Variants in FRMD4A observed in about 807,000 individuals in gnomAD.
FRMD4A encodes FERM domain-containing protein 4A.
FRMD4A carries 29 observed loss-of-function variants against 129.1 expected under a neutral mutation model. That is an observed-to-expected ratio of 0.22 (90% confidence interval 0.17 to 0.31). The LOEUF is 0.31. Ranked by LOEUF, FRMD4A falls within the 10% of genes least tolerant of loss-of-function variation. The pLI is 1.00. For missense variants in FRMD4A, 1,272 were observed against 1,375.8 expected, an observed-to-expected ratio of 0.92 and a Z score of 1.19; for synonymous variants, 634 against 571.6, an observed-to-expected ratio of 1.11 and a Z score of -1.56.
In FRMD4A at chr10:13,660,307, G is replaced by A. The variant is rs374022649; in HGVS notation, c.1898+9C>T. ...GGCCTCATTTGGCCTCATTCACGAT[G>A]CAGCTCACCTGGAATGGCTGTGAGA... On this transcript the variant is annotated intron_variant, in intron 20 of 24. Transcript: ENST00000357447. The A allele has an allele frequency of 1.2e-4, 192 of 1,575,758 alleles. No individual in the cohort carries two copies. The African/African-American group carries it at 2.3e-3, about 19-fold the overall frequency.
chr10:14,226,167 A>T (rs10906630), intron 2 of FRMD4A, among the ~76,000 whole-genome samples: 60,066 of 151,940 alleles, frequency 0.4, 12,514 homozygotes, highest in South Asian at 0.47. Flanking sequence ...CAGGTTTATT[A>T]TGTAGGTGCA....
At chr10:14,206,664 G>A (rs1216543260) in intron 2 of FRMD4A, among the ~76,000 whole-genome samples, 3 of 151,614 alleles carry the variant, frequency 2.0e-5, no homozygotes, top group Non-Finnish European at 2.9e-5. Context: ...AAAATTAGCC[G>A]GGCGTGGTGG....
chr10:13,794,391 C>CAAAAAAAAA (rs5783349), intron 5 of FRMD4A, among the ~76,000 whole-genome samples: 3 of 102,944 alleles, frequency 2.9e-5, no homozygotes, highest in African/African-American at 3.8e-5. Flanking sequence ...GAATCCGTCT[C>CAAAAAAAAA]AAAAAAAAAA....
chr10:14,222,847 T>A (rs1178723308), intron 2 of FRMD4A, among the ~76,000 whole-genome samples: 3 of 152,066 alleles, frequency 2.0e-5, no homozygotes, highest in African/African-American at 7.2e-5. Context: ...TTTAGGAGGT[T>A]CACCTGAAGG....
chr10:14,214,417 C>G (rs1843014715), intron 2 of FRMD4A, among the ~76,000 whole-genome samples: 1 of 152,188 alleles, frequency 6.6e-6, no homozygotes, highest in South Asian at 2.1e-4. Flanking sequence ...CGACCTTAGA[C>G]AAGTAACTCA....
At chr10:13,680,182 C>G (rs1240584853) in intron 15 of FRMD4A, among the ~76,000 whole-genome samples, 1 of 152,176 alleles carries the variant, frequency 6.6e-6, no homozygotes, top group Non-Finnish European at 1.5e-5. Flanking sequence ...AAAAGCTGGT[C>G]ACAGTGGCTC....
intron 5 of FRMD4A, among the ~76,000 whole-genome samples, chr10:13,790,431 CA>C (rs2092972572): frequency 6.6e-6 from 1 of 152,096 alleles, no homozygotes; most frequent in Non-Finnish European, 1.5e-5. Context: ...GGGGTGAAAT[CA>C]CACCAGGGGA....
intron 2 of FRMD4A, among the ~76,000 whole-genome samples, chr10:14,151,581 C>T (rs1840340642): frequency 6.6e-6 from 1 of 152,102 alleles, no homozygotes. Context: ...ACTGGGAGTC[C>T]AATCCCCCCT....
chr10:13,714,978 G>T (rs1471706954), intron 12 of FRMD4A, among the ~76,000 whole-genome samples: 1 of 152,114 alleles, frequency 6.6e-6, no homozygotes, highest in Non-Finnish European at 1.5e-5. Flanking sequence ...GGCAGAGGTT[G>T]CAGTGAGCGG....
intron 2 of FRMD4A, among the ~76,000 whole-genome samples, chr10:13,902,029 G>A (rs1256426971): frequency 6.6e-6 from 1 of 152,084 alleles, no homozygotes; most frequent in Non-Finnish European, 1.5e-5. Flanking sequence ...ATATTTGTTT[G>A]TTTTAGAGAC....
chr10:14,275,621 T>C (rs1255826442), intron 2 of FRMD4A, among the ~76,000 whole-genome samples: 3 of 152,250 alleles, frequency 2.0e-5, no homozygotes, highest in Admixed American at 6.5e-5. Flanking sequence ...AAAGTTTTTT[T>C]CCTTTTCTTA....
intron 2 of FRMD4A, among the ~76,000 whole-genome samples, chr10:14,119,130 G>T (rs561029261): frequency 2.0e-5 from 3 of 152,246 alleles, no homozygotes; most frequent in Admixed American, 1.3e-4. Flanking sequence ...AAAGCACTCA[G>T]GGCAGGCCAA....
At chr10:14,087,769 A>G (rs527733851) in intron 2 of FRMD4A, among the ~76,000 whole-genome samples, 79 of 152,364 alleles carry the variant, frequency 5.2e-4, no homozygotes, top group South Asian at 6.2e-4. Context: ...GAAGATGGCT[A>G]TGATTTCAAC....
At chr10:14,206,616 G>A (rs1044382126) in intron 2 of FRMD4A, among the ~76,000 whole-genome samples, 2 of 151,756 alleles carry the variant, frequency 1.3e-5, no homozygotes, top group African/African-American at 4.8e-5. Context: ...TGGGCAACAC[G>A]GCGAAACCCC....
At chr10:13,802,955 C>T (rs1374845128) in intron 4 of FRMD4A, among the ~76,000 whole-genome samples, 1 of 152,096 alleles carries the variant, frequency 6.6e-6, no homozygotes, top group Non-Finnish European at 1.5e-5. Context: ...CGAGACCAGC[C>T]TGGCTAACAT....
chr10:13,666,118 T>G lies in FRMD4A; in HGVS notation c.1582A>C (p.Arg528=). The G allele has an allele frequency of 6.2e-7, 1 of 1,610,738 alleles. No homozygotes were observed. The highest frequency in any genetic ancestry group is 8.5e-7 in the Non-Finnish European group (1 of 1,176,880). Residue 528 remains arginine (R), a synonymous_variant, in exon 18 of 25, where the codon AGG becomes CGG. Transcript: ENST00000357447. ...RIKSGKKPTQ[R]ASLIIDDGNI... ...TGACCGTCTATGATCAGCGAAGCCCTCTGGGTGGGTTTCTTCCCAGACTTG... is the reference window on the plus strand; with the variant it reads ...TGACCGTCTATGATCAGCGAAGCCCGCTGGGTGGGTTTCTTCCCAGACTTG...
intron 2 of FRMD4A, among the ~76,000 whole-genome samples, chr10:14,020,077 A>G (rs539871699): frequency 3.9e-5 from 6 of 152,288 alleles, no homozygotes; most frequent in African/African-American, 1.4e-4. Flanking sequence ...CACTGCCAAC[A>G]CTTCTGGAGC....
chr10:14,105,165 G>A (rs1252340931), intron 2 of FRMD4A, among the ~76,000 whole-genome samples: 3 of 152,306 alleles, frequency 2.0e-5, no homozygotes, highest in Non-Finnish European at 2.9e-5. Context: ...AAGAGCTATA[G>A]GTCGTAGCTC....
chr10:14,003,002 G>C (rs919788776), intron 2 of FRMD4A, among the ~76,000 whole-genome samples: 4 of 152,110 alleles, frequency 2.6e-5, no homozygotes, highest in African/African-American at 9.7e-5. Flanking sequence ...ATTAGGAAAG[G>C]CCTTGTGATT....
Sources: allele counts gnomAD v4.1 joint callset (sites outside exome capture counted in the v4.1 genomes callset), GRCh38; gene constraint gnomAD v4.1.1; transcripts MANE v1.5; gene names NCBI Gene and HGNC (gene_info 2026-07-23, HGNC 2026-07-21).